The following HAT1 variants were observed in gnomAD, a reference collection of about 807,000 sequenced individuals.
HAT1 encodes histone acetyltransferase type B catalytic subunit.
In HAT1, 20 loss-of-function variants were observed where a neutral mutation model predicts 56.6. That is an observed-to-expected ratio of 0.35 (90% CI 0.25 to 0.51). The LOEUF is 0.51. Among genes scored for constraint, HAT1 ranks in the 20% least tolerant of loss-of-function variants. HAT1 has a pLI of 0.95. For missense variants in HAT1, 408 were observed against 504.3 expected (o/e 0.81, Z 1.83); for synonymous variants, 146 against 165.5 (o/e 0.88, Z 0.91).
intron 8 of HAT1, among the ~76,000 whole-genome samples, chr2:171,972,801 T>G (rs559537848): frequency 6.6e-6 from 1 of 152,354 alleles, no homozygotes; most frequent in South Asian, 2.1e-4. Context: ...TCTTTTGCTT[T>G]CCTCTCTTTC....
At chr2:171,969,606 G>GT (rs1687765030) in intron 8 of HAT1, among the ~76,000 whole-genome samples, 1 of 152,202 alleles carries the variant, frequency 6.6e-6, no homozygotes. Flanking sequence ...ATTGGGTGTC[G>GT]TTTTAAGTTC....
intron 2 of HAT1, among the ~76,000 whole-genome samples, chr2:171,927,395 G>A (rs1195195141): frequency 2.6e-5 from 4 of 152,114 alleles, no homozygotes; most frequent in Non-Finnish European, 5.9e-5. Flanking sequence ...GAAAATACTT[G>A]GTAAGGGCTG....
chr2:171,977,560 T>A (rs1339653920), intron 9 of HAT1, among the ~76,000 whole-genome samples: 752 of 31,264 alleles, frequency 0.024, no homozygotes, highest in Non-Finnish European at 0.031. Context: ...TATATATATT[T>A]TTTTTTTTTT....
intron 10 of HAT1, among the ~76,000 whole-genome samples, 177 bp from the exon 11 acceptor site, chr2:171,983,008 G>A (rs1688170299): frequency 6.6e-6 from 1 of 151,554 alleles, no homozygotes; most frequent in African/African-American, 2.4e-5. Flanking sequence ...GCAATTCATG[G>A]TTAACATTAT....
Position 171,956,032 on chromosome 2 carries a change from G to A in HAT1, c.309+3031G>A, listed in dbSNP as rs528076389. Among the ~76,000 whole-genome samples, 7 of 151,420 alleles carry A rather than the reference G, an allele frequency of 4.6e-5. No homozygotes were observed. The East Asian group carries it at 5.9e-4, about 13-fold the overall frequency. On this transcript the variant is annotated intron_variant, in intron 4 of 10. Transcript: ENST00000264108. Reference sequence around the variant, plus strand: ...TGCACTCCAGCCTGGGCAACAGAGCGAGACTCTGTCTCAAAAAAAAAGTGC... The same window carrying A: ...TGCACTCCAGCCTGGGCAACAGAGCAAGACTCTGTCTCAAAAAAAAAGTGC...
intron 2 of HAT1, among the ~76,000 whole-genome samples, chr2:171,942,651 G>A (rs1461049298): frequency 6.6e-6 from 1 of 152,060 alleles, no homozygotes; most frequent in Non-Finnish European, 1.5e-5. Context: ...TAATGTTTCT[G>A]ATATCCTGGA....
intron 4 of HAT1, among the ~76,000 whole-genome samples, chr2:171,962,042 G>A (rs374059258): frequency 6.6e-6 from 1 of 152,002 alleles, no homozygotes; most frequent in Middle Eastern, 3.4e-3. Flanking sequence ...TAGACAAATG[G>A]TGCTGCTTAA....
At chr2:171,978,562 C>G (rs562502866) in intron 9 of HAT1, among the ~76,000 whole-genome samples, 1 of 146,498 alleles carries the variant, frequency 6.8e-6, no homozygotes. Flanking sequence ...TGAAAACTCA[C>G]ATTTTCACAT....
chr2:171,965,577 G>C, intron 5 of HAT1, 60 bp downstream of exon 5: 1 of 1,157,326 alleles, frequency 8.6e-7, no homozygotes, highest in Non-Finnish European at 1.2e-6. Flanking sequence ...CCTGTATGTA[G>C]TTTTGTTGTC....
At chr2:171,982,952 T>C (rs1688168583) in intron 10 of HAT1, among the ~76,000 whole-genome samples, 1 of 152,134 alleles carries the variant, frequency 6.6e-6, no homozygotes, top group Admixed American at 6.5e-5. Flanking sequence ...TTACCATCAT[T>C]GGACACAAAT....
intron 2 of HAT1, among the ~76,000 whole-genome samples, chr2:171,927,883 C>G (rs897600145): frequency 1.3e-5 from 2 of 151,964 alleles, no homozygotes; most frequent in Non-Finnish European, 2.9e-5. Flanking sequence ...TGCACCCAGC[C>G]AGGAAATGGT....
In HAT1 at chr2:171,957,946, C is replaced by A. The variant is rs139785403; in HGVS notation, c.309+4945C>A. ...TATTACTTCATACTGTATGTCATAA[C>A]TTTCCTCTGCAGAAGTAGCAGTTCC... On this transcript the variant is annotated intron_variant, in intron 4 of 10. Coordinates refer to ENST00000264108, the MANE Select transcript of HAT1 (RefSeq NM_003642.4). 4.3e-3 allele frequency among the ~76,000 whole-genome samples: 658 copies of A among 152,232 alleles called. 3 individuals are homozygous for A. The highest frequency in any genetic ancestry group is 7.1e-3 in the Non-Finnish European group (481 of 68,018).
chr2:171,925,616 C>G lies in HAT1; in HGVS notation c.87C>G (p.Thr29=). The stretch of plus-strand genomic sequence containing the variant: ...AACTGGCAGAGTACAAATGTAACAC[C>G]AACACAGCAATTGAACTAAAATTAG... ...EKKLAEYKCN[T]NTAIELKLVR... is the part of the protein sequence containing the mutation. The change falls in exon 2 of 11, where the codon ACC becomes ACG. Residue 29 remains threonine (T), a synonymous_variant. Coordinates refer to ENST00000264108, the MANE Select transcript of HAT1 (RefSeq NM_003642.4). 6.5e-7 allele frequency: 1 copy of G among 1,528,466 alleles called. No homozygotes were observed. Among genetic ancestry groups the G allele is most frequent in the African/African-American group, 1.4e-5 (1 of 73,334 alleles). The allele number at this position is 1,528,466 out of a possible 1,614,324, so 94.7% of individuals were successfully genotyped here. A position where few individuals can be genotyped will look rare whatever the true frequency, so the allele number is the denominator to read the frequency against.
chr2:171,956,375 G>T (rs1007885932), intron 4 of HAT1, among the ~76,000 whole-genome samples: 1 of 151,884 alleles, frequency 6.6e-6, no homozygotes, highest in Admixed American at 6.6e-5. Context: ...CGCTGGGTGT[G>T]GTGGTGTGTG....
intron 2 of HAT1, among the ~76,000 whole-genome samples, chr2:171,939,912 CAGGCACATGCCA>C (rs1250281009): frequency 6.6e-6 from 1 of 151,916 alleles, no homozygotes; most frequent in East Asian, 1.9e-4. Context: ...CCTGGGACTA[CAGGCACATGCCA>C]CCACACCCAG....
chr2:171,967,536 G>A (rs568663063), intron 8 of HAT1, among the ~76,000 whole-genome samples: 2 of 152,128 alleles, frequency 1.3e-5, no homozygotes, highest in African/African-American at 2.4e-5. Flanking sequence ...CGACTTACTC[G>A]ACTTACTCGA....
intron 2 of HAT1, among the ~76,000 whole-genome samples, chr2:171,943,880 G>A (rs891066408): frequency 4.6e-5 from 7 of 151,852 alleles, no homozygotes; most frequent in African/African-American, 1.5e-4. Context: ...CAGGCATGGT[G>A]GCTCATGCCT....
chr2:171,974,348 TTTTCTTAA>T (rs1687909661), intron 8 of HAT1, among the ~76,000 whole-genome samples: 2 of 152,172 alleles, frequency 1.3e-5, no homozygotes, highest in African/African-American at 4.8e-5. Flanking sequence ...AATGGGATTA[TTTTCTTAA>T]TTTCTTAATT....
chr2:171,979,443 G>C (rs1199801862), intron 10 of HAT1, 80 bp downstream of exon 10: 1 of 742,448 alleles, frequency 1.3e-6, no homozygotes, highest in Non-Finnish European at 2.4e-6. Flanking sequence ...ATCAGTATAT[G>C]AGAGAGTCCA....
Sources: gnomAD v4.1 joint callset for allele counts (sites outside exome capture counted in the v4.1 genomes callset) on GRCh38, gnomAD v4.1.1 for gene constraint, MANE v1.5 for transcripts, NCBI Gene and HGNC (gene_info 2026-07-23, HGNC 2026-07-21) for gene names.